The following CACNA1C variants were observed in gnomAD, a reference collection of about 807,000 sequenced individuals.
CACNA1C encodes the protein calcium voltage-gated channel subunit alpha1 C.
In CACNA1C, 30 loss-of-function variants were observed where a neutral mutation model predicts 229.0. The ratio of observed to expected loss-of-function variants is 0.13; its 90% CI spans 0.10 to 0.18. The LOEUF (loss-of-function observed/expected upper bound fraction) is 0.18. Among genes scored for constraint, CACNA1C ranks in the 10% least tolerant of loss-of-function variants. CACNA1C has a pLI of 1.00. For missense variants in CACNA1C, 1,658 were observed against 2,845.0 expected, an observed-to-expected ratio of 0.58 and a Z score of 9.49; for synonymous variants, 1,114 against 1,132.5, an observed-to-expected ratio of 0.98 and a Z score of 0.33.
At chr12:2,301,280 A>G (rs1366901332) in intron 3 of CACNA1C, among the ~76,000 whole-genome samples, 3 of 152,194 alleles carry the variant, frequency 2.0e-5, no homozygotes, top group Non-Finnish European at 2.9e-5. Flanking sequence ...CTGTCCCAGA[A>G]GTCAGCTCCG....
At position 2,523,298 on chromosome 12, in the gene CACNA1C, C is replaced by A. The variant is rs185476771; in HGVS notation, c.1390+10314C>A. Among the ~76,000 whole-genome samples, 3 of 152,182 alleles carry A rather than the reference C, an allele frequency of 2.0e-5. No homozygotes were observed. In the East Asian group the frequency reaches 5.8e-4, roughly 29 times the overall value. The stretch of plus-strand genomic sequence containing the variant: ...AAGCGAACTGAGGTCAAGCGCCATC[C>A]CTTTGGAATGGTTTAAGAGGCAGTT... On this transcript the variant is annotated intron_variant, in intron 9 of 46. Coordinates refer to ENST00000399655, the MANE Select transcript of CACNA1C (RefSeq NM_000719.7).
intron 9 of CACNA1C, among the ~76,000 whole-genome samples, chr12:2,534,456 CCT>C (rs1007933192): frequency 2.0e-5 from 3 of 152,192 alleles, no homozygotes; most frequent in African/African-American, 7.2e-5. Context: ...GCTTCAAGCC[CCT>C]CTCTCTCTGT....
intron 3 of CACNA1C, among the ~76,000 whole-genome samples, chr12:2,358,271 G>C (rs1282278558): frequency 2.5e-5 from 3 of 118,872 alleles, no homozygotes; most frequent in Admixed American, 8.1e-5. Flanking sequence ...GTGTGTGTGT[G>C]TGTGTGTGTG....
chr12:2,603,178 A>G (rs1601755493), intron 22 of CACNA1C, among the ~76,000 whole-genome samples: 1 of 152,166 alleles, frequency 6.6e-6, no homozygotes, highest in African/African-American at 2.4e-5. Flanking sequence ...CTCAGTCACT[A>G]TTTAACCTTG....
rs546896695 is a variant in CACNA1C, at chr12:2,325,872, G to A, written c.478-123104G>A. ...TCCCTAGGCCAGGGAGGAAGAGGGGGACTGAAATAGGACTTCCTTCAGACA... is the reference window on the plus strand; with the variant it reads ...TCCCTAGGCCAGGGAGGAAGAGGGGAACTGAAATAGGACTTCCTTCAGACA... On this transcript the variant is annotated intron_variant, in intron 3 of 46. Coordinates refer to ENST00000399655, the MANE Select transcript of CACNA1C (RefSeq NM_000719.7). 1.4e-4 allele frequency among the ~76,000 whole-genome samples: 22 copies of A among 152,350 alleles called. No homozygotes were observed. In the South Asian group the frequency reaches 3.3e-3, roughly 23 times the overall value.
chr12:2,622,133 A>G (rs2153507955), intron 29 of CACNA1C, among the ~76,000 whole-genome samples: 1 of 152,318 alleles, frequency 6.6e-6, no homozygotes, highest in Admixed American at 6.5e-5. Flanking sequence ...CCAGGATAAG[A>G]GTAGGGATGA....
rs551289807 is a variant in CACNA1C at position 2,690,889 on chromosome 12, C to T, written c.6118-11C>T. ...CTTTGGTTCTTCATGGCTCCCACCC[C>T]GCTCCTTCAGGTCTTGATTTCAGAA... On this transcript the variant is annotated splice_polypyrimidine_tract_variant and intron_variant, in intron 46 of 46. Coordinates refer to ENST00000399655, the MANE Select transcript of CACNA1C (RefSeq NM_000719.7). 10 of 1,548,988 alleles carry T rather than the reference C, an allele frequency of 6.5e-6. No homozygotes were observed. The highest frequency in any genetic ancestry group is 2.4e-5 in the South Asian group (2 of 82,672).
At chr12:2,336,986 A>G (rs1164945760) in intron 3 of CACNA1C, among the ~76,000 whole-genome samples, 5 of 152,194 alleles carry the variant, frequency 3.3e-5, no homozygotes, top group African/African-American at 1.2e-4. Context: ...TAGAAATGCT[A>G]TGGAATTCAT....
intron 1 of CACNA1C, among the ~76,000 whole-genome samples, chr12:2,047,742 G>A (rs1421173639): frequency 1.3e-5 from 2 of 152,228 alleles, no homozygotes; most frequent in Non-Finnish European, 1.5e-5. Context: ...GAGTGATGTG[G>A]AGGAAGGGAT....
rs1389553178 is a variant in CACNA1C at position 2,410,944 on chromosome 12, C to T, written c.478-38032C>T. On this transcript the variant is annotated intron_variant, in intron 3 of 46. Transcript: ENST00000399655. This position sits in a 1 kb window ranked among gnomAD's most constrained non-coding sequence, Gnocchi z 5.3. ...CTCCCATTGTGACATGGATTTTTCT[C>T]TCATCTTTCTCTCCCTACTCCCCTT... Among the ~76,000 whole-genome samples the T allele has an allele frequency of 2.0e-5, 3 of 152,036 alleles. No individual in the cohort carries two copies. Among genetic ancestry groups the T allele is most frequent in the Non-Finnish European group, 4.4e-5 (3 of 68,022 alleles).
In CACNA1C at chr12:2,585,690, A is replaced by C. The variant is rs2062146844; in HGVS notation, c.2461-145A>C. Reference sequence around the variant, plus strand: ...TTGGCTGGATCCCAGCCATCTGCTGATGTCTTGAAGGAGATATGCAAAGTG... The same window carrying C: ...TTGGCTGGATCCCAGCCATCTGCTGCTGTCTTGAAGGAGATATGCAAAGTG... On this transcript the variant is annotated intron_variant, in intron 17 of 46. Coordinates refer to ENST00000399655, the MANE Select transcript of CACNA1C (RefSeq NM_000719.7). The surrounding 1 kb of genome is among the most constrained non-coding windows in gnomAD (Gnocchi z 4.1). 1.1e-6 allele frequency: 1 copy of C among 870,112 alleles called. No homozygotes were observed. The highest frequency in any genetic ancestry group is 1.9e-6 in the Non-Finnish European group (1 of 537,272). The allele number at this position is 870,112 out of a possible 1,614,324, so 53.9% of individuals were successfully genotyped here. A position where few individuals can be genotyped will look rare whatever the true frequency, so the allele number is the denominator to read the frequency against.
chr12:2,064,159 T>A (rs932105617), intron 1 of CACNA1C, among the ~76,000 whole-genome samples: 1 of 152,100 alleles, frequency 6.6e-6, no homozygotes, highest in African/African-American at 2.4e-5. Flanking sequence ...AAAAACAAAA[T>A]GAAACAAAAA....
intron 1 of CACNA1C, among the ~76,000 whole-genome samples, chr12:2,033,340 T>G (rs1251093118): frequency 1.3e-5 from 2 of 152,120 alleles, no homozygotes; most frequent in African/African-American, 2.4e-5. Flanking sequence ...GGCCTGCAAG[T>G]CTATCCTGGG....
chr12:2,036,219 C>G (rs570451954), intron 1 of CACNA1C, among the ~76,000 whole-genome samples: 2 of 152,240 alleles, frequency 1.3e-5, no homozygotes, highest in East Asian at 3.9e-4. Context: ...CCACGTAGAC[C>G]TAGTCCAGAA....
chr12:2,311,313 T>C (rs1444039249), intron 3 of CACNA1C, among the ~76,000 whole-genome samples: 1 of 152,208 alleles, frequency 6.6e-6, no homozygotes, highest in Admixed American at 6.5e-5. Context: ...ATGAAGGTAA[T>C]TTGGAATGTA....
chr12:2,275,964 A>G lies in CACNA1C; in HGVS notation c.477+155534A>G, dbSNP rs2087764662. Among the ~76,000 whole-genome samples the G allele has an allele frequency of 6.6e-6, 1 of 152,226 alleles. No homozygotes were observed. Among genetic ancestry groups the G allele is most frequent in the African/African-American group, 2.4e-5 (1 of 41,456 alleles). Reference sequence around the variant, plus strand: ...GATTCCTGGACCCCTCTCAGATACAAAACCCAAGGATGCCCATGTCCTTTT... The same window carrying G: ...GATTCCTGGACCCCTCTCAGATACAGAACCCAAGGATGCCCATGTCCTTTT... On this transcript the variant is annotated intron_variant, in intron 3 of 46. Transcript: ENST00000399655. This position sits in a 1 kb window ranked among gnomAD's most constrained non-coding sequence, Gnocchi z 4.1.
At chr12:2,220,339 T>C (rs1429767601) in intron 3 of CACNA1C, among the ~76,000 whole-genome samples, 1 of 152,186 alleles carries the variant, frequency 6.6e-6, no homozygotes, top group Non-Finnish European at 1.5e-5. Context: ...ACGCATGTGA[T>C]ACACCAGCTA....
intron 1 of CACNA1C, among the ~76,000 whole-genome samples, chr12:2,084,794 T>C (rs992653415): frequency 1.3e-5 from 2 of 152,182 alleles, no homozygotes; most frequent in Non-Finnish European, 2.9e-5. Flanking sequence ...CTAGGGTCCT[T>C]GTCATATAAA....
At chr12:2,286,586 A>T (rs1366136847) in intron 3 of CACNA1C, among the ~76,000 whole-genome samples, 1 of 152,138 alleles carries the variant, frequency 6.6e-6, no homozygotes, top group Non-Finnish European at 1.5e-5. Flanking sequence ...TGTGAGGTTC[A>T]TTCGGGGGCT....
Sources: allele counts gnomAD v4.1 joint callset (sites outside exome capture counted in the v4.1 genomes callset), GRCh38; gene constraint gnomAD v4.1.1; non-coding constraint Gnocchi (gnomAD v3.1); transcripts MANE v1.5; gene names NCBI Gene and HGNC (gene_info 2026-07-23, HGNC 2026-07-21).